The following TACC2 variants were observed in gnomAD, a reference collection of about 807,000 sequenced individuals.
The protein encoded by TACC2 is transforming acidic coiled-coil containing protein 2.
TACC2 carries 137 observed loss-of-function variants against 227.3 expected under a neutral mutation model. The ratio of observed to expected loss-of-function variants is 0.60; its 90% CI spans 0.52 to 0.69. The LOEUF is 0.69. Ranked by LOEUF, TACC2 falls within the 30% of genes least tolerant of loss-of-function variation. The probability of loss-of-function intolerance (pLI) is 0.00; values close to 1 mark genes in which losing one functional copy is unlikely to be tolerated. For missense variants in TACC2, 3,470 were observed against 3,694.4 expected (o/e 0.94, Z 1.57); for synonymous variants, 1,523 against 1,487.5 (o/e 1.02, Z -0.55).
intron 1 of TACC2, among the ~76,000 whole-genome samples, chr10:122,010,009 C>G (rs1955726098): frequency 6.6e-6 from 1 of 152,216 alleles, no homozygotes; most frequent in African/African-American, 2.4e-5. Flanking sequence ...CGAAAACTCT[C>G]TCTGAGGTCA....
Position 122,241,801 on chromosome 10 carries a change from C to T in TACC2, c.8349-157C>T, listed in dbSNP as rs993265041. On this transcript the variant is annotated intron_variant, in intron 18 of 22. Transcript: ENST00000369005. Reference sequence around the variant, plus strand: ...AGGGAGTGGCATATTTAGAGTCACGCACCAGGAAAATGAGCGTGCAGGGCG... The same window carrying T: ...AGGGAGTGGCATATTTAGAGTCACGTACCAGGAAAATGAGCGTGCAGGGCG... 4.7e-5 allele frequency: 33 copies of T among 700,850 alleles called. No individual in the cohort carries two copies. The East Asian group carries it at 7.9e-4, about 17-fold the overall frequency. 43.4% of individuals were successfully genotyped at this position (700,850 alleles called of 1,614,324 possible).
chr10:122,084,634 T>A lies in TACC2; in HGVS notation c.2134T>A (p.Ser712Thr). The change falls in exon 4 of 23, where the codon TCT (serine) becomes ACT (threonine). Residue 712 changes from serine to threonine, a missense_variant. Physicochemically the swap from Ser to Thr is moderately conservative, Grantham distance 58. Transcript: ENST00000369005. ...CAGGGAAGGATTGGGAAGAATGGAG[T>A]CTTTCCTGACTTTAGAATCAGAGAA... is the stretch of plus-strand genomic sequence containing the variant. ...QSREGLGRME[S>T]FLTLESEKSD... 1 of 1,613,632 alleles carries A rather than the reference T, an allele frequency of 6.2e-7. No homozygotes were observed. The highest frequency in any genetic ancestry group is 8.5e-7 in the Non-Finnish European group (1 of 1,180,012).
Position 122,021,251 on chromosome 10 carries a change from A to G in TACC2, c.-45-686A>G, listed in dbSNP as rs1957312329. Among the ~76,000 whole-genome samples the G allele has an allele frequency of 3.4e-5, 5 of 149,224 alleles. No homozygotes were observed. In the South Asian group the frequency reaches 1.1e-3, roughly 32 times the overall value. On this transcript the variant is annotated intron_variant, in intron 1 of 22. Coordinates refer to ENST00000369005, the MANE Select transcript of TACC2 (RefSeq NM_206862.4). Reference sequence around the variant, plus strand: ...CTCGAAAAAAAAAAGGCGGGGGGGAAGAAAGATCATTAATAAACCATGTCA... The same window carrying G: ...CTCGAAAAAAAAAAGGCGGGGGGGAGGAAAGATCATTAATAAACCATGTCA...
chr10:122,084,262 G>T lies in TACC2; in HGVS notation c.1762G>T (p.Gly588Cys). 2 of 1,614,042 alleles carry T rather than the reference G, an allele frequency of 1.2e-6. No individual in the cohort carries two copies. Among genetic ancestry groups the T allele is most frequent in the Non-Finnish European group, 8.5e-7 (1 of 1,180,036 alleles). ...GGAGGAAGCCCCAGAGCCACCTGAT[G>T]GTGGAGACCCAGGGAACCTGCAAGG... ...GKEEAPEPPD[G>C]GDPGNLQGED... Residue 588 changes from glycine to cysteine, a missense_variant, in exon 4 of 23, where the codon GGT (glycine) becomes TGT (cysteine). Transcript: ENST00000369005.
intron 2 of TACC2, among the ~76,000 whole-genome samples, chr10:122,048,827 C>G (rs2459102): frequency 0.13 from 20,159 of 152,170 alleles, 2,260 homozygotes; most frequent in African/African-American, 0.31. Flanking sequence ...AAGAAATGAG[C>G]TCTTGTGCTG....
At chr10:122,060,898 G>A (rs952873777) in intron 3 of TACC2, among the ~76,000 whole-genome samples, 3 of 151,708 alleles carry the variant, frequency 2.0e-5, no homozygotes, top group Non-Finnish European at 4.4e-5. Context: ...CCAGCTACTC[G>A]GGAGGCTGAG....
chr10:122,167,288 G>C (rs77992231), intron 7 of TACC2, among the ~76,000 whole-genome samples: 1 of 152,224 alleles, frequency 6.6e-6, no homozygotes, highest in Non-Finnish European at 1.5e-5. Context: ...GAGGGGCCAG[G>C]GTGGATGGGA....
At chr10:122,074,375 C>T (rs533940788) in intron 3 of TACC2, among the ~76,000 whole-genome samples, 1 of 152,156 alleles carries the variant, frequency 6.6e-6, no homozygotes, top group East Asian at 1.9e-4. Flanking sequence ...CCACTGTGCC[C>T]AGCCTAGGAA....
intron 2 of TACC2, among the ~76,000 whole-genome samples, chr10:122,031,550 G>A (rs1401549829): frequency 4.6e-5 from 7 of 151,384 alleles, no homozygotes; most frequent in African/African-American, 1.5e-4. Context: ...GACTATAGGC[G>A]CCCACCACTG....
intron 2 of TACC2, among the ~76,000 whole-genome samples, chr10:122,042,479 G>C (rs865817329): frequency 6.6e-6 from 1 of 152,116 alleles, no homozygotes; most frequent in East Asian, 1.9e-4. Context: ...CTGACCTCAA[G>C]TGATCCACCC....
At chr10:122,118,474 C>A (rs1043356898) in intron 5 of TACC2, among the ~76,000 whole-genome samples, 3 of 152,196 alleles carry the variant, frequency 2.0e-5, no homozygotes, top group Admixed American at 1.3e-4. Flanking sequence ...CTCTCTGCAT[C>A]CTCAGTACCT....
intron 3 of TACC2, chr10:122,078,946 T>C (rs993000297): frequency 3.9e-5 from 6 of 152,228 alleles, no homozygotes; most frequent in Non-Finnish European, 7.3e-5. Flanking sequence ...GTTTACAAGA[T>C]GCCAAAATAT....
chr10:122,189,264 C>T (rs553822196), intron 7 of TACC2, among the ~76,000 whole-genome samples: 1 of 152,222 alleles, frequency 6.6e-6, no homozygotes, highest in South Asian at 2.1e-4. Context: ...CTAGCATGCG[C>T]AGTTTCAAAA....
At chr10:122,088,959 A>T (rs1356765421) in intron 5 of TACC2, among the ~76,000 whole-genome samples, 1 of 152,180 alleles carries the variant, frequency 6.6e-6, no homozygotes, top group Non-Finnish European at 1.5e-5. Context: ...TAGAAAAAAT[A>T]CAAAGATTAG....
chr10:122,055,975 C>T (rs1287273160), intron 3 of TACC2, among the ~76,000 whole-genome samples: 1 of 152,200 alleles, frequency 6.6e-6, no homozygotes, highest in Non-Finnish European at 1.5e-5. Context: ...AAGTCCCATC[C>T]ATACCCTGTC....
intron 16 of TACC2, among the ~76,000 whole-genome samples, chr10:122,234,474 T>C (rs1173798705): frequency 6.6e-6 from 1 of 152,250 alleles, no homozygotes; most frequent in Non-Finnish European, 1.5e-5. Flanking sequence ...AATCTAAAAA[T>C]GTCTGATCTT....
intron 5 of TACC2, among the ~76,000 whole-genome samples, chr10:122,107,770 C>T (rs764511800): frequency 1.3e-5 from 2 of 150,386 alleles, no homozygotes; most frequent in African/African-American, 2.4e-5. Context: ...GATTTTGGTG[C>T]CCCTGCCACC....
At chr10:122,073,430 C>T (rs2078380137) in intron 3 of TACC2, among the ~76,000 whole-genome samples, 1 of 152,058 alleles carries the variant, frequency 6.6e-6, no homozygotes, top group African/African-American at 2.4e-5. Flanking sequence ...CAAGCAGATC[C>T]CACCTGGGAG....
intron 7 of TACC2, chr10:122,192,554 C>T (rs1202616033): frequency 2.5e-6 from 1 of 393,354 alleles, no homozygotes; most frequent in Non-Finnish European, 5.2e-6. Context: ...GAGAAGCTCA[C>T]AGCATCTGTG....
Sources: allele counts gnomAD v4.1 joint callset (sites outside exome capture counted in the v4.1 genomes callset), GRCh38; gene constraint gnomAD v4.1.1; transcripts MANE v1.5; gene names NCBI Gene and HGNC (gene_info 2026-07-23, HGNC 2026-07-21).